The following PLXNA4 variants were observed in gnomAD, a reference collection of about 807,000 sequenced individuals.
PLXNA4 encodes the protein plexin A4, also known as plexin-A4.
Under a neutral mutation model 191.8 loss-of-function variants are expected in PLXNA4, and 44 were observed. The ratio of observed to expected loss-of-function variants is 0.23; its 90% CI spans 0.18 to 0.29. PLXNA4 has a LOEUF of 0.29. Ranked by LOEUF, PLXNA4 falls within the 10% of genes least tolerant of loss-of-function variation. PLXNA4 has a pLI of 1.00. For missense variants in PLXNA4, 1,800 were observed against 2,488.8 expected (o/e 0.72, Z 5.89); for synonymous variants, 1,082 against 1,009.5 (o/e 1.07, Z -1.36).
intron 3 of PLXNA4, among the ~76,000 whole-genome samples, chr7:132,386,426 C>T (rs1288566823): frequency 6.6e-6 from 1 of 152,234 alleles, no homozygotes; most frequent in Admixed American, 6.5e-5. Flanking sequence ...CATTAACACC[C>T]AGCCCTCCCC....
chr7:132,630,428 C>T (rs1274854071), intron 2 of PLXNA4, among the ~76,000 whole-genome samples: 1 of 152,244 alleles, frequency 6.6e-6, no homozygotes, highest in Non-Finnish European at 1.5e-5. Context: ...TTTCTCTGCA[C>T]TGCTAAGTCA....
intron 2 of PLXNA4, among the ~76,000 whole-genome samples, chr7:132,610,797 CT>C (rs1803029952): frequency 6.6e-6 from 1 of 152,222 alleles, no homozygotes; most frequent in Non-Finnish European, 1.5e-5. Context: ...GAGAGAGCAT[CT>C]TAGGAGATAA....
At chr7:132,303,851 A>G (rs967907841) in intron 3 of PLXNA4, among the ~76,000 whole-genome samples, 2 of 152,236 alleles carry the variant, frequency 1.3e-5, no homozygotes, top group Middle Eastern at 3.4e-3. Context: ...GGCAAATGCT[A>G]TGGCAGAGGA....
At chr7:132,525,464 G>A (rs990566370) in intron 1 of PLXNA4, among the ~76,000 whole-genome samples, 2 of 152,100 alleles carry the variant, frequency 1.3e-5, no homozygotes, top group Admixed American at 6.5e-5. Context: ...GCCCAGGCTG[G>A]TCTCAAATTC....
intron 3 of PLXNA4, among the ~76,000 whole-genome samples, chr7:132,426,303 C>A (rs1795041104): frequency 6.6e-6 from 1 of 152,162 alleles, no homozygotes; most frequent in African/African-American, 2.4e-5. Context: ...GGGTGGGGGT[C>A]CTCTCCCTCA....
chr7:132,541,469 A>G (rs1254316802), intron 1 of PLXNA4, among the ~76,000 whole-genome samples: 1 of 152,216 alleles, frequency 6.6e-6, no homozygotes, highest in African/African-American at 2.4e-5. Context: ...TGATCTTTGG[A>G]TGCTGATGGA....
intron 5 of PLXNA4, among the ~76,000 whole-genome samples, chr7:132,232,171 A>C (rs1392814048): frequency 6.6e-6 from 1 of 152,096 alleles, no homozygotes. Flanking sequence ...ACCAGAGCAA[A>C]ATGTTAATTC....
At position 132,126,503 on chromosome 7, in the gene PLXNA4, G is replaced by A. The variant is rs533243674; in HGVS notation, c.*3976C>T. 5.5e-4 allele frequency: 83 copies of A among 152,176 alleles called. No individual in the cohort carries two copies. The highest frequency in any genetic ancestry group is 1.9e-3 in the African/African-American group (80 of 41,508). The allele number at this position is 152,176 out of a possible 1,614,324, so 9.4% of individuals were successfully genotyped here. A position where few individuals can be genotyped will look rare whatever the true frequency, so the allele number is the denominator to read the frequency against. ...GGCAGAAGCCAGACATGCAACGGGA[G>A]ACACGGTACCAGGGACCTGGTTGCA... On this transcript the variant is annotated 3_prime_UTR_variant, in exon 32 of 32. Transcript: ENST00000321063.
intron 3 of PLXNA4, among the ~76,000 whole-genome samples, chr7:132,444,365 C>T (rs1371149944): frequency 2.6e-5 from 4 of 152,258 alleles, no homozygotes; most frequent in Non-Finnish European, 5.9e-5. Flanking sequence ...AGCGATTCTC[C>T]TCCCTCAGCC....
At chr7:132,263,893 C>T (rs1799747071) in intron 4 of PLXNA4, among the ~76,000 whole-genome samples, 1 of 152,176 alleles carries the variant, frequency 6.6e-6, no homozygotes, top group South Asian at 2.1e-4. Flanking sequence ...GGCATCATTT[C>T]ATTTGCTACC....
chr7:132,162,581 C>T (rs1795982240), intron 24 of PLXNA4, among the ~76,000 whole-genome samples: 1 of 152,158 alleles, frequency 6.6e-6, no homozygotes, highest in Non-Finnish European at 1.5e-5. Context: ...GGGTGGAAGA[C>T]ATTTACGCAG....
intron 2 of PLXNA4, among the ~76,000 whole-genome samples, chr7:132,601,284 G>A (rs201352667): frequency 1.3e-5 from 2 of 149,770 alleles, no homozygotes; most frequent in Non-Finnish European, 1.5e-5. Context: ...TGAGTCAAAA[G>A]AAAAAAAAAA....
At chr7:132,284,658 C>T (rs566247962) in intron 4 of PLXNA4, among the ~76,000 whole-genome samples, 10 of 152,114 alleles carry the variant, frequency 6.6e-5, no homozygotes, top group Admixed American at 3.9e-4. Flanking sequence ...GGAGTGGGGC[C>T]GATGGAGGCC....
intron 3 of PLXNA4, among the ~76,000 whole-genome samples, chr7:132,301,784 A>G (rs1189338330): frequency 1.3e-5 from 2 of 152,230 alleles, no homozygotes; most frequent in African/African-American, 4.8e-5. Context: ...AATTTTCTAA[A>G]TAATGATCCC....
chr7:132,347,586 A>G (rs1247482767), intron 3 of PLXNA4, among the ~76,000 whole-genome samples: 1 of 152,216 alleles, frequency 6.6e-6, no homozygotes, highest in African/African-American at 2.4e-5. Flanking sequence ...ATCGTTTGGT[A>G]GGAAATGGCA....
chr7:132,354,644 G>C (rs559634910), intron 3 of PLXNA4, among the ~76,000 whole-genome samples: 3 of 152,196 alleles, frequency 2.0e-5, no homozygotes, highest in Non-Finnish European at 4.4e-5. Context: ...CTGCTCTGCA[G>C]ATGGCTCTAA....
At chr7:132,167,283 C>A (rs1453946348) in intron 22 of PLXNA4, among the ~76,000 whole-genome samples, 2 of 152,126 alleles carry the variant, frequency 1.3e-5, no homozygotes, top group Non-Finnish European at 2.9e-5. Flanking sequence ...TCACACAGGA[C>A]CTTTAAGGTT....
intron 1 of PLXNA4, among the ~76,000 whole-genome samples, chr7:132,544,621 C>G (rs1170739222): frequency 6.6e-6 from 1 of 152,146 alleles, no homozygotes. Context: ...ATTGGTTCTA[C>G]TGAGTGATGA....
chr7:132,231,492 T>A (rs1416813426), intron 5 of PLXNA4, among the ~76,000 whole-genome samples: 1 of 152,172 alleles, frequency 6.6e-6, no homozygotes, highest in Non-Finnish European at 1.5e-5. Flanking sequence ...TGGCGTAATC[T>A]CAGCTCTCTG....
Sources: gnomAD v4.1 joint callset for allele counts (sites outside exome capture counted in the v4.1 genomes callset) on GRCh38, gnomAD v4.1.1 for gene constraint, MANE v1.5 for transcripts, NCBI Gene and HGNC (gene_info 2026-07-23, HGNC 2026-07-21) for gene names.